Variants in SLC27A2 observed in about 807,000 individuals in gnomAD.
The protein encoded by SLC27A2 is solute carrier family 27 member 2.
In SLC27A2, 54 loss-of-function variants were observed where a neutral mutation model predicts 60.0. That is an observed-to-expected ratio of 0.90 (90% CI 0.72 to 1.13). SLC27A2 has a LOEUF of 1.13. Among genes scored for constraint, SLC27A2 ranks in the 50% most tolerant of loss-of-function variants. The pLI, the probability that SLC27A2 is intolerant of heterozygous loss-of-function variation, is 0.00. For missense variants in SLC27A2, 739 were observed against 777.6 expected, an observed-to-expected ratio of 0.95 and a Z score of 0.59; for synonymous variants, 297 against 297.6, an observed-to-expected ratio of 1.00 and a Z score of 0.02.
chr15:50,186,620 G>T (rs1223102724), intron 1 of SLC27A2, among the ~76,000 whole-genome samples: 1 of 152,138 alleles, frequency 6.6e-6, no homozygotes, highest in African/African-American at 2.4e-5. Context: ...GTTATTATCA[G>T]TAGAGATGGG....
At chr15:50,193,593 C>T (rs953524981) in intron 1 of SLC27A2, among the ~76,000 whole-genome samples, 3 of 152,136 alleles carry the variant, frequency 2.0e-5, no homozygotes, top group African/African-American at 2.4e-5. Context: ...CCTCTGTGGG[C>T]CCTTACTTGT....
At chr15:50,187,535 C>T (rs559838076) in intron 1 of SLC27A2, among the ~76,000 whole-genome samples, 1 of 152,296 alleles carries the variant, frequency 6.6e-6, no homozygotes, top group African/African-American at 2.4e-5. Flanking sequence ...TAACCCAGGT[C>T]TCCTGAGGGT....
intron 1 of SLC27A2, 86 bp downstream of exon 1, chr15:50,182,991 A>AT (rs2044879865): frequency 7.4e-7 from 1 of 1,355,722 alleles, no homozygotes; most frequent in African/African-American, 1.5e-5. Flanking sequence ...AGGGGTTCGC[A>AT]GAGGGAGGTT....
chr15:50,189,550 T>C (rs2044956823), intron 1 of SLC27A2, among the ~76,000 whole-genome samples: 1 of 152,216 alleles, frequency 6.6e-6, no homozygotes, highest in Non-Finnish European at 1.5e-5. Context: ...AACTAAAGCT[T>C]GCAAAGGAGG....
chr15:50,182,592 C>G lies in SLC27A2; in HGVS notation c.165C>G (p.Ile55Met), dbSNP rs1286004991. ...GGAAGCGGCGGCCGGCGCGCACCAT[C>G]CTGCGGGCGTTCCTGGAGAAAGCGC... Reference protein sequence around the residue: ...SYGKRRPARTILRAFLEKARQ... With the variant: ...SYGKRRPARTMLRAFLEKARQ... The change falls in exon 1 of 10, where the codon ATC becomes ATG. Residue 55 changes from isoleucine to methionine, a missense_variant. Transcript: ENST00000267842. 2.5e-6 allele frequency: 4 copies of G among 1,613,176 alleles called. No individual in the cohort carries two copies. In the South Asian group the frequency reaches 3.3e-5, roughly 13 times the overall value.
At chr15:50,191,430 A>G (rs964745716) in intron 1 of SLC27A2, among the ~76,000 whole-genome samples, 5 of 152,198 alleles carry the variant, frequency 3.3e-5, no homozygotes, top group African/African-American at 7.2e-5. Flanking sequence ...GGACTGGTCA[A>G]TGGGCAGGTG....
Position 50,233,869 on chromosome 15 carries a change from T to A in SLC27A2, c.1557T>A (p.Asp519Glu). 6.2e-7 allele frequency: 1 copy of A among 1,610,632 alleles called. No individual in the cohort carries two copies. The highest frequency in any genetic ancestry group is 1.1e-5 in the South Asian group (1 of 90,804). ...AATTTTTTCTCACTTTATTTCTAGA[T>A]CATGAGGGTCGCATTGGCATGGCCT... is the stretch of plus-strand genomic sequence containing the variant. The part of the protein sequence containing the change: ...EVNVYGVHVP[D>E]HEGRIGMASI... The change falls in exon 9 of 10, where the codon GAT becomes GAA. Residue 519 changes from aspartate to glutamate, a missense_variant and splice_region_variant. Transcript: ENST00000267842.
intron 4 of SLC27A2, among the ~76,000 whole-genome samples, chr15:50,218,603 G>C (rs1210260086): frequency 6.6e-6 from 1 of 152,054 alleles, no homozygotes; most frequent in African/African-American, 2.4e-5. Flanking sequence ...CAAAATTCTA[G>C]ATACAAATTA....
chr15:50,230,073 A>AAAAT (rs2045306620), intron 8 of SLC27A2, among the ~76,000 whole-genome samples: 1 of 151,358 alleles, frequency 6.6e-6, no homozygotes, highest in African/African-American at 2.4e-5. Context: ...ATCTCTACTA[A>AAAAT]AAATACAAAA....
At chr15:50,229,573 T>C (rs2045301893) in intron 8 of SLC27A2, among the ~76,000 whole-genome samples, 1 of 152,202 alleles carries the variant, frequency 6.6e-6, no homozygotes, top group African/African-American at 2.4e-5. Flanking sequence ...AGGGCCAGTG[T>C]CTGACCTTGA....
intron 4 of SLC27A2, among the ~76,000 whole-genome samples, chr15:50,219,879 T>A (rs1456126922): frequency 6.6e-6 from 1 of 152,170 alleles, no homozygotes; most frequent in African/African-American, 2.4e-5. Context: ...AAGAAGGTTT[T>A]TTTCTTGTTT....
At chr15:50,196,057 A>AAAAAAAAAAATAAAAAT (rs2045013913) in intron 1 of SLC27A2, among the ~76,000 whole-genome samples, 2 of 9,882 alleles carry the variant, frequency 2.0e-4, no homozygotes, top group Non-Finnish European at 4.3e-4. Flanking sequence ...CTGTCTCAAA[A>AAAAAAAAAAATAAAAAT]AAAAAAAAAA....
chr15:50,235,654 T>A (rs992845286), intron 9 of SLC27A2, among the ~76,000 whole-genome samples: 3 of 152,224 alleles, frequency 2.0e-5, no homozygotes, highest in Non-Finnish European at 4.4e-5. Flanking sequence ...TATGAAGTAA[T>A]CCATTTGCTA....
chr15:50,234,622 G>A (rs943286666), intron 9 of SLC27A2, among the ~76,000 whole-genome samples: 3 of 151,360 alleles, frequency 2.0e-5, no homozygotes, highest in African/African-American at 7.3e-5. Context: ...AGCCAGGCAT[G>A]GTGATGTGCA....
At chr15:50,225,836 T>C (rs1314692503) in intron 5 of SLC27A2, 152 bp from the exon 6 acceptor site, 14 of 485,322 alleles carry the variant, frequency 2.9e-5, no homozygotes, top group Non-Finnish European at 4.8e-5. Context: ...ATGAAAGTTT[T>C]CTCTGTCTCT....
Position 50,197,576 on chromosome 15 carries a change from T to A in SLC27A2, c.555T>A (p.Thr185=), listed in dbSNP as rs749613119. 18 of 1,613,978 alleles carry A rather than the reference T, an allele frequency of 1.1e-5. No individual in the cohort carries two copies. Among genetic ancestry groups the A allele is most frequent in the Non-Finnish European group, 1.5e-5 (18 of 1,179,980 alleles). ...DDVSIYYVSR[T]SNTDGIDSFL... is the part of the protein sequence containing the mutation. ...TGTCCATCTATTATGTGAGCAGAAC[T>A]TCTAACACAGATGGGATTGACTCTT... Residue 185 remains threonine, a synonymous_variant, in exon 2 of 10, where the codon ACT becomes ACA. Coordinates refer to ENST00000267842, the MANE Select transcript of SLC27A2 (RefSeq NM_003645.4).
chr15:50,217,105 G>C lies in SLC27A2; in HGVS notation c.973-5860G>C, dbSNP rs183138879. On this transcript the variant is annotated intron_variant, in intron 4 of 9. Transcript: ENST00000267842. Reference sequence around the variant, plus strand: ...CTTTGGGGACTTGGGGGGAAGAGTGGGAGGGGGACGAGGGATAAAAGACTA... The same window carrying C: ...CTTTGGGGACTTGGGGGGAAGAGTGCGAGGGGGACGAGGGATAAAAGACTA... Among the ~76,000 whole-genome samples, 242 of 151,650 alleles carry C rather than the reference G, an allele frequency of 1.6e-3. 1 individual carries two copies. Among genetic ancestry groups the C allele is most frequent in the African/African-American group, 5.7e-3 (235 of 41,344 alleles).
intron 1 of SLC27A2, among the ~76,000 whole-genome samples, chr15:50,194,067 GC>G (rs1337808069): frequency 6.6e-6 from 1 of 152,108 alleles, no homozygotes; most frequent in Non-Finnish European, 1.5e-5. Context: ...AATCACTTGA[GC>G]CCAGGAGGTT....
chr15:50,190,360 A>T (rs2044963614), intron 1 of SLC27A2, among the ~76,000 whole-genome samples: 1 of 152,098 alleles, frequency 6.6e-6, no homozygotes, highest in South Asian at 2.1e-4. Context: ...ATTTCCTTTC[A>T]CTACCTTCCT....
Sources: gnomAD v4.1 joint callset for allele counts (sites outside exome capture counted in the v4.1 genomes callset) on GRCh38, gnomAD v4.1.1 for gene constraint, MANE v1.5 for transcripts, NCBI Gene and HGNC (gene_info 2026-07-23, HGNC 2026-07-21) for gene names.